The following ASAP2 variants were observed in gnomAD, a reference collection of about 807,000 sequenced individuals.
ASAP2 encodes arf-GAP with SH3 domain, ANK repeat and PH domain-containing protein 2.
In ASAP2, 45 loss-of-function variants were observed where a neutral mutation model predicts 131.4. The observed-to-expected ratio is 0.34, with a 90% CI of 0.27 to 0.44. The LOEUF is 0.44. Ranked by LOEUF, ASAP2 falls within the 20% of genes least tolerant of loss-of-function variation. The pLI is 1.00. For missense variants in ASAP2, 1,011 were observed against 1,297.0 expected, an observed-to-expected ratio of 0.78 and a Z score of 3.39; for synonymous variants, 510 against 503.0, an observed-to-expected ratio of 1.01 and a Z score of -0.19.
intron 1 of ASAP2, among the ~76,000 whole-genome samples, chr2:9,247,350 G>A (rs532877190): frequency 7.2e-5 from 11 of 152,300 alleles, no homozygotes; most frequent in African/African-American, 2.6e-4. Context: ...GTCCGCAGAT[G>A]CCTAGGGAGT....
chr2:9,315,405 G>C (rs545361081), intron 3 of ASAP2, among the ~76,000 whole-genome samples: 1 of 152,204 alleles, frequency 6.6e-6, no homozygotes, highest in African/African-American at 2.4e-5. Context: ...ACGGGTCTGC[G>C]TATGTAGGGT....
intron 1 of ASAP2, among the ~76,000 whole-genome samples, chr2:9,251,829 TGA>T (rs1253088659): frequency 6.6e-6 from 1 of 151,642 alleles, no homozygotes; most frequent in Admixed American, 6.6e-5. Flanking sequence ...AGACTGAATG[TGA>T]GTTTTCTGGC....
At chr2:9,230,331 G>A (rs1663067602) in intron 1 of ASAP2, among the ~76,000 whole-genome samples, 1 of 152,310 alleles carries the variant, frequency 6.6e-6, no homozygotes, top group East Asian at 1.9e-4. Context: ...GACCCAGAGG[G>A]GCTGCGTGGG....
intron 7 of ASAP2, 56 bp from the exon 8 acceptor site, chr2:9,334,682 C>A: frequency 6.5e-7 from 1 of 1,535,728 alleles, no homozygotes; most frequent in Non-Finnish European, 9.0e-7. Flanking sequence ...ATCTGTCTGA[C>A]AAAATTATTT....
intron 1 of ASAP2, among the ~76,000 whole-genome samples, chr2:9,245,239 G>C (rs1664255051): frequency 6.6e-6 from 1 of 152,190 alleles, no homozygotes; most frequent in Admixed American, 6.5e-5. Context: ...AGCTAGCAAT[G>C]GCTTTGTTGA....
At chr2:9,350,627 T>C (rs2148629009) in intron 11 of ASAP2, 181 bp from the exon 12 acceptor site, 2 of 509,474 alleles carry the variant, frequency 3.9e-6, no homozygotes, top group Non-Finnish European at 6.9e-6. Flanking sequence ...TCTGTGGAGA[T>C]GAAGTTCAAA....
intron 25 of ASAP2, among the ~76,000 whole-genome samples, chr2:9,400,539 A>C (rs1328577736): frequency 6.6e-6 from 1 of 151,560 alleles, no homozygotes; most frequent in Non-Finnish European, 1.5e-5. Context: ...CCTCCTGCTG[A>C]CATGGCAGGC....
chr2:9,285,690 A>G (rs184729496), intron 2 of ASAP2, among the ~76,000 whole-genome samples: 22 of 152,386 alleles, frequency 1.4e-4, no homozygotes, highest in African/African-American at 5.3e-4. Flanking sequence ...GCTGTTTGAC[A>G]TATCAGTGGG....
At chr2:9,304,698 G>A (rs1436489355) in intron 3 of ASAP2, among the ~76,000 whole-genome samples, 1 of 139,678 alleles carries the variant, frequency 7.2e-6, no homozygotes, top group Non-Finnish European at 1.5e-5. Flanking sequence ...TAATAGTGGG[G>A]TATAGATATT....
intron 16 of ASAP2, among the ~76,000 whole-genome samples, chr2:9,374,218 A>C (rs985121168): frequency 6.6e-6 from 1 of 152,232 alleles, no homozygotes; most frequent in African/African-American, 2.4e-5. Context: ...ATTTCATTTC[A>C]GTTCATCTGA....
intron 1 of ASAP2, among the ~76,000 whole-genome samples, chr2:9,252,731 C>T (rs886877649): frequency 7.9e-5 from 12 of 151,748 alleles, no homozygotes; most frequent in African/African-American, 2.4e-4. Flanking sequence ...CTGGCTAACA[C>T]GGTGAAACCC....
intron 1 of ASAP2, among the ~76,000 whole-genome samples, chr2:9,262,545 G>A (rs1330274982): frequency 6.6e-6 from 1 of 152,218 alleles, no homozygotes; most frequent in Non-Finnish European, 1.5e-5. Context: ...AGTAATTGGA[G>A]CCTGGTTTAG....
rs1285999594 is a variant in ASAP2 at position 9,403,948 on chromosome 2, C to T, written c.*621C>T. 1 of 152,284 alleles carries T rather than the reference C, an allele frequency of 6.6e-6. No homozygotes were observed. Among genetic ancestry groups the T allele is most frequent in the African/African-American group, 2.4e-5 (1 of 41,454 alleles). 9.4% of individuals were successfully genotyped at this position (152,284 alleles called of 1,614,324 possible). ...GTATAACCTGTTGTGAACAATCATACTTAACAAAACTACTGATGGTTTATG... is the reference window on the plus strand; with the variant it reads ...GTATAACCTGTTGTGAACAATCATATTTAACAAAACTACTGATGGTTTATG... On this transcript the variant is annotated 3_prime_UTR_variant, in exon 28 of 28. Transcript: ENST00000281419.
intron 3 of ASAP2, among the ~76,000 whole-genome samples, 187 bp from the exon 4 acceptor site, chr2:9,318,337 C>T (rs113336456): frequency 0.013 from 2,046 of 152,184 alleles, 36 homozygotes; most frequent in African/African-American, 0.046. Context: ...TTTCATTAGC[C>T]CTCTATTCAT....
chr2:9,348,417 G>T (rs1015734993), intron 11 of ASAP2, among the ~76,000 whole-genome samples: 1 of 152,190 alleles, frequency 6.6e-6, no homozygotes, highest in Non-Finnish European at 1.5e-5. Flanking sequence ...GAGCTACTGC[G>T]CCCAGGTGAC....
At position 9,374,892 on chromosome 2, in the gene ASAP2, C is replaced by T. The variant is rs143304380; in HGVS notation, c.1694C>T (p.Ala565Val). Reference protein sequence around the residue: ...KTRDIFGLLQAYADGVDLTEK... With the variant: ...KTRDIFGLLQVYADGVDLTEK... ...AGAGATATTTTTGGATTGCTCCAAG[C>T]TTATGCTGATGGTGTGGATCTTACG... is the stretch of plus-strand genomic sequence containing the variant. Residue 565 changes from alanine to valine, a missense_variant, in exon 17 of 28, where the codon GCT (alanine) becomes GTT (valine). Transcript: ENST00000281419. 1.3e-4 allele frequency: 202 copies of T among 1,613,214 alleles called. No individual in the cohort carries two copies. The highest frequency in any genetic ancestry group is 1.5e-4 in the Non-Finnish European group (182 of 1,179,898).
intron 24 of ASAP2, chr2:9,399,342 T>G (rs533265354): frequency 1.3e-5 from 2 of 152,442 alleles, no homozygotes; most frequent in Non-Finnish European, 2.9e-5. Context: ...CTGGCACTGG[T>G]CCTTAGCTCT....
intron 3 of ASAP2, among the ~76,000 whole-genome samples, chr2:9,299,666 C>T (rs567240154): frequency 1.3e-4 from 20 of 152,288 alleles, no homozygotes; most frequent in African/African-American, 2.4e-4. Flanking sequence ...CAGCCCAGGA[C>T]GGCTGACGAC....
At position 9,403,388 on chromosome 2, in the gene ASAP2, CT is replaced by C; in HGVS notation, c.*63del. 6.6e-7 allele frequency: 1 copy of C among 1,516,878 alleles called. No individual in the cohort carries two copies. Among genetic ancestry groups the C allele is most frequent in the Non-Finnish European group, 9.1e-7 (1 of 1,095,608 alleles). 94.0% of individuals were successfully genotyped at this position (1,516,878 alleles called of 1,614,324 possible). On this transcript the variant is annotated 3_prime_UTR_variant, in exon 28 of 28. Transcript: ENST00000281419. ...CTGTTTCGTTATTGGTACCAAAACT[CT>C]TGCCAGATAACCAGTTTCATGAACT...
Sources: allele counts gnomAD v4.1 joint callset (sites outside exome capture counted in the v4.1 genomes callset), GRCh38; gene constraint gnomAD v4.1.1; transcripts MANE v1.5; gene names NCBI Gene and HGNC (gene_info 2026-07-23, HGNC 2026-07-21).